The following HELB variants were observed in gnomAD, a reference collection of about 807,000 sequenced individuals.
HELB encodes the protein DNA helicase B.
In HELB, 96 loss-of-function variants were observed where a neutral mutation model predicts 101.7. The ratio of observed to expected loss-of-function variants is 0.94; its 90% CI spans 0.80 to 1.12. The LOEUF (loss-of-function observed/expected upper bound fraction) is 1.12, where lower values mean the gene tolerates loss of function less well. Ranked by LOEUF, HELB falls within the 50% of genes most tolerant of loss-of-function variation. The pLI is 0.00. For synonymous variants in HELB, 437 were observed against 459.7 expected, an observed-to-expected ratio of 0.95 and a Z score of 0.63; for missense variants, 1,210 against 1,291.9, an observed-to-expected ratio of 0.94 and a Z score of 0.97.
At chr12:66,329,942 C>CTT (rs1252838710) in intron 11 of HELB, among the ~76,000 whole-genome samples, 1 of 152,106 alleles carries the variant, frequency 6.6e-6, no homozygotes, top group Non-Finnish European at 1.5e-5. Context: ...CCAGCAACAT[C>CTT]GGAAAGATGT....
intron 3 of HELB, among the ~76,000 whole-genome samples, chr12:66,307,376 T>TAA (rs142821657): frequency 6.6e-6 from 1 of 152,108 alleles, no homozygotes; most frequent in Admixed American, 6.5e-5. Context: ...CCTTTTTGTT[T>TAA]AAAAAAACCC....
In HELB at chr12:66,302,841, C is replaced by T. The variant is rs751659479; in HGVS notation, c.187+51C>T. 4 of 1,492,978 alleles carry T rather than the reference C, an allele frequency of 2.7e-6. No individual in the cohort carries two copies. The East Asian group carries it at 7.4e-5, about 27-fold the overall frequency. The allele number at this position is 1,492,978 out of a possible 1,614,324, so 92.5% of individuals were successfully genotyped here. On this transcript the variant is annotated intron_variant, in intron 1 of 12. Transcript: ENST00000247815. ...TGGGGTTGGAGGGTCCAAAGTAGCG[C>T]TTCCCATTCTGGCTTTGCCCTGAGC...
In HELB at chr12:66,338,148, C is replaced by T. The variant is rs776805360; in HGVS notation, c.*46C>T. On this transcript the variant is annotated 3_prime_UTR_variant, in exon 13 of 13. Transcript: ENST00000247815. ...AGTAACTATGTTTTTCTATTGGAGACAAAATGAACATCGTAACGTCAAAGT... is the reference window on the plus strand; with the variant it reads ...AGTAACTATGTTTTTCTATTGGAGATAAAATGAACATCGTAACGTCAAAGT... 6.4e-6 allele frequency: 7 copies of T among 1,089,716 alleles called. No homozygotes were observed. The South Asian group carries it at 8.9e-5, about 14-fold the overall frequency. 67.5% of individuals were successfully genotyped at this position (1,089,716 alleles called of 1,614,324 possible).
chr12:66,309,638 A>T (rs954137220), intron 3 of HELB, 68 bp from the exon 4 acceptor site: 11 of 1,065,534 alleles, frequency 1.0e-5, no homozygotes, highest in Non-Finnish European at 9.3e-6. Context: ...TTAAAAAATT[A>T]TTAATAAAGA....
rs1430759191 is a variant in HELB at position 66,305,002 on chromosome 12, C to T, written c.459C>T (p.Asn153=). The change falls in exon 2 of 13, where the codon AAC becomes AAT. Residue 153 remains asparagine, a synonymous_variant. Transcript: ENST00000247815. The part of the protein sequence containing the change: ...KFLTWVKEVS[N]YKNLNFENLR... ...TAACATGGGTAAAGGAGGTATCAAA[C>T]TACAAAAACCTAAACTTTGAAAATC... The T allele has an allele frequency of 3.1e-6, 5 of 1,613,622 alleles. No individual in the cohort carries two copies. The highest frequency in any genetic ancestry group is 4.2e-6 in the Non-Finnish European group (5 of 1,179,942).
rs1433138155 is a variant in HELB at position 66,331,188 on chromosome 12, G to A, written c.2705G>A (p.Gly902Glu). The A allele has an allele frequency of 1.2e-6, 2 of 1,611,612 alleles. No homozygotes were observed. The highest frequency in any genetic ancestry group is 1.7e-6 in the Non-Finnish European group (2 of 1,178,156). ...GAGCAAACAGTTGTCTATGTGGTGG[G>A]GAAGGCGGGCCGCCAGCACTGGCAG... ...SEEQTVVYVV[G>E]KAGRQHWQHV... Residue 902 changes from glycine to glutamate, a missense_variant, in exon 12 of 13, where the codon GGG (glycine) becomes GAG (glutamate). Gly to Glu is a moderately conservative substitution (Grantham distance 98). Coordinates refer to ENST00000247815, the MANE Select transcript of HELB (RefSeq NM_001370285.1).
chr12:66,333,197 G>A (rs894709562), intron 12 of HELB, among the ~76,000 whole-genome samples: 3 of 152,158 alleles, frequency 2.0e-5, no homozygotes, highest in Non-Finnish European at 4.4e-5. Flanking sequence ...AAGAGTCTAT[G>A]AGGATGAAAA....
At chr12:66,315,204 CAG>C (rs1350351499) in intron 5 of HELB, 36 bp from the exon 6 acceptor site, 2 of 1,441,562 alleles carry the variant, frequency 1.4e-6, no homozygotes, top group Non-Finnish European at 9.2e-7. Flanking sequence ...TATTTTTTCT[CAG>C]AGTAAGTCTT....
chr12:66,307,922 G>A (rs974541026), intron 3 of HELB, among the ~76,000 whole-genome samples: 2 of 150,960 alleles, frequency 1.3e-5, no homozygotes, highest in Non-Finnish European at 2.9e-5. Context: ...GTAGGGACAG[G>A]GTTTCACCAT....
chr12:66,326,816 G>A (rs1479727082), intron 11 of HELB, among the ~76,000 whole-genome samples: 6 of 149,844 alleles, frequency 4.0e-5, no homozygotes, highest in Admixed American at 1.3e-4. Context: ...TGGATCACTT[G>A]CAGTCAGGAG....
chr12:66,339,053 G>A (rs2053897345), downstream of HELB: 1 of 152,176 alleles, frequency 6.6e-6, no homozygotes, highest in Non-Finnish European at 1.5e-5. Context: ...AAATATATCT[G>A]TTAACCCATT....
chr12:66,321,927 T>C, intron 7 of HELB, 21 bp from the exon 8 acceptor site: 1 of 926,262 alleles, frequency 1.1e-6, no homozygotes, highest in Non-Finnish European at 1.7e-6. Flanking sequence ...CTGTGTTAAC[T>C]TTTTTCTCTT....
At chr12:66,335,449 G>A (rs960515939) in intron 12 of HELB, among the ~76,000 whole-genome samples, 3 of 152,158 alleles carry the variant, frequency 2.0e-5, no homozygotes, top group Admixed American at 6.5e-5. Context: ...GGACTGAGGG[G>A]GCTGGTGAGA....
At chr12:66,303,372 T>G (rs2053432500) in intron 1 of HELB, among the ~76,000 whole-genome samples, 1 of 152,102 alleles carries the variant, frequency 6.6e-6, no homozygotes, top group South Asian at 2.1e-4. Flanking sequence ...TCACGCACTT[T>G]GGGAGGCCGA....
In HELB at chr12:66,318,720, A is replaced by G. The variant is rs774515010; in HGVS notation, c.2083A>G (p.Lys695Glu). The G allele has an allele frequency of 6.2e-7, 1 of 1,610,674 alleles. No homozygotes were observed. Among genetic ancestry groups the G allele is most frequent in the Admixed American group, 1.7e-5 (1 of 59,108 alleles). The change falls in exon 7 of 13, where the codon AAG (lysine) becomes GAG (glutamate). Residue 695 changes from lysine (K) to glutamate (E), a missense_variant. Coordinates refer to ENST00000247815, the MANE Select transcript of HELB (RefSeq NM_001370285.1). ...NPTLPISIQD[K>E]TFIFVRLPEE... Reference sequence around the variant, plus strand: ...AACATTACCCATCTCAATTCAAGATAAGACATTTATTTTTGTCAGGCTCCC... The same window carrying G: ...AACATTACCCATCTCAATTCAAGATGAGACATTTATTTTTGTCAGGCTCCC...
rs2053851878 is a variant in HELB at position 66,335,034 on chromosome 12, T to C, written c.3163-2967T>C. 2.6e-5 allele frequency among the ~76,000 whole-genome samples: 4 copies of C among 152,188 alleles called. No homozygotes were observed. The South Asian group carries it at 8.3e-4, about 32-fold the overall frequency. On this transcript the variant is annotated intron_variant, in intron 12 of 12. Coordinates refer to ENST00000247815, the MANE Select transcript of HELB (RefSeq NM_001370285.1). ...TAATCCAGGATGATTCCTGGATTTC[T>C]GGCTAAAGCAATTTGGGGAATAGCA...
intron 4 of HELB, among the ~76,000 whole-genome samples, chr12:66,311,379 T>A (rs536434629): frequency 1.3e-5 from 2 of 152,204 alleles, no homozygotes; most frequent in East Asian, 3.9e-4. Context: ...AGAGGATTGT[T>A]TGAGGCTGTG....
chr12:66,330,353 G>A (rs1191791792), intron 11 of HELB, among the ~76,000 whole-genome samples: 2 of 152,022 alleles, frequency 1.3e-5, no homozygotes, highest in East Asian at 3.8e-4. Context: ...GAAAAATACA[G>A]ACAAGTAGGA....
At chr12:66,337,907 A>G (rs998452305) in intron 12 of HELB, 94 bp from the exon 13 acceptor site, 1 of 723,400 alleles carries the variant, frequency 1.4e-6, no homozygotes, top group Non-Finnish European at 2.3e-6. Flanking sequence ...AAGGTGCATG[A>G]TTTCTTTTTC....
Sources: gnomAD v4.1 joint callset for allele counts (sites outside exome capture counted in the v4.1 genomes callset) on GRCh38, gnomAD v4.1.1 for gene constraint, MANE v1.5 for transcripts, NCBI Gene and HGNC (gene_info 2026-07-23, HGNC 2026-07-21) for gene names.